Variants in GOLGA3 observed in about 807,000 individuals in gnomAD.
The protein encoded by GOLGA3 is golgin A3.
In GOLGA3, 75 loss-of-function variants were observed where a neutral mutation model predicts 169.4. That is an observed-to-expected ratio of 0.44 (90% CI 0.37 to 0.54). The LOEUF (loss-of-function observed/expected upper bound fraction) is 0.54. Ranked by LOEUF, GOLGA3 falls within the 20% of genes least tolerant of loss-of-function variation. The probability of loss-of-function intolerance (pLI) is 0.00; values close to 1 mark genes in which losing one functional copy is unlikely to be tolerated. For missense variants in GOLGA3, 1,899 were observed against 1,930.0 expected (o/e 0.98, Z 0.30); for synonymous variants, 824 against 822.4 (o/e 1.00, Z -0.03).
rs888345640 is a variant in GOLGA3 at position 132,777,782 on chromosome 12, G to A, written c.3606C>T (p.Ala1202=). 6.8e-6 allele frequency: 11 copies of A among 1,613,516 alleles called. No homozygotes were observed. The highest frequency in any genetic ancestry group is 1.7e-5 in the Admixed American group (1 of 59,994). The part of the protein sequence containing the change: ...KEQVAAAKVE[A]GHNRRHFKAA... The stretch of plus-strand genomic sequence containing the variant: ...CCTTGAAGTGGCGGCGGTTATGCCC[G>A]GCTTCCACCTTGGCAGCAGCCACCT... The change falls in exon 19 of 24, where the codon GCC becomes GCT. Residue 1202 remains alanine (A), a synonymous_variant. Coordinates refer to ENST00000450791, the MANE Select transcript of GOLGA3 (RefSeq NM_001389683.1). The surrounding 1 kb of genome is among the most constrained non-coding windows in gnomAD (Gnocchi z 4.7).
At chr12:132,782,585 C>G (rs370034025) in intron 16 of GOLGA3, 92 bp from the exon 17 acceptor site, 1 of 1,062,906 alleles carries the variant, frequency 9.4e-7, no homozygotes, top group African/African-American at 1.6e-5. Flanking sequence ...CAAGAAACAG[C>G]GAAAACTTAG....
At chr12:132,807,864 C>T in intron 5 of GOLGA3, 27 bp downstream of exon 5, 2 of 1,324,170 alleles carry the variant, frequency 1.5e-6, no homozygotes, top group South Asian at 1.4e-5. Context: ...CTCCACCCAC[C>T]CCGCCCACCT....
intron 6 of GOLGA3, among the ~76,000 whole-genome samples, chr12:132,805,592 C>T (rs1034313030): frequency 5.0e-5 from 7 of 139,278 alleles, no homozygotes; most frequent in Admixed American, 1.4e-4. Flanking sequence ...GACCCCGAGA[C>T]CCCCAGGCGC....
Position 132,776,709 on chromosome 12 carries a change from C to A in GOLGA3, c.3903G>T (p.Gln1301His). The change falls in exon 21 of 24, where the codon CAG (glutamine) becomes CAT (histidine). Residue 1301 changes from glutamine (Q) to histidine (H), a missense_variant. Transcript: ENST00000450791. ...TCAAGTCCAGCTGCTGCTTCAAGGACTGGATTTCTCTTTCTTTCTGATCCA... is the reference window on the plus strand; with the variant it reads ...TCAAGTCCAGCTGCTGCTTCAAGGAATGGATTTCTCTTTCTTTCTGATCCA... The part of the protein sequence containing the change: ...WEVDQKEREI[Q>H]SLKQQLDLTE... The A allele has an allele frequency of 6.2e-7, 1 of 1,614,150 alleles. No individual in the cohort carries two copies. The highest frequency in any genetic ancestry group is 1.1e-5 in the South Asian group (1 of 91,090).
At position 132,777,759 on chromosome 12, in the gene GOLGA3, T is replaced by C. The variant is rs2045328452; in HGVS notation, c.3629A>G (p.Lys1210Arg). The change falls in exon 19 of 24, where the codon AAG (lysine) becomes AGG (arginine). Residue 1210 changes from lysine to arginine, a missense_variant. By Grantham distance (26) the Lys-to-Arg change is conservative (BLOSUM62 2). Transcript: ENST00000450791. This position sits in a 1 kb window ranked among gnomAD's most constrained non-coding sequence, Gnocchi z 4.7. ...VEAGHNRRHF[K>R]AASLELSEVK... ...CTCACTCAGCTCCAAGGAGGCCGCC[T>C]TGAAGTGGCGGCGGTTATGCCCGGC... is the stretch of plus-strand genomic sequence containing the variant. The C allele has an allele frequency of 2.5e-6, 4 of 1,614,002 alleles. No homozygotes were observed. The highest frequency in any genetic ancestry group is 3.4e-6 in the Non-Finnish European group (4 of 1,179,948).
intron 3 of GOLGA3, 107 bp from the exon 4 acceptor site, chr12:132,813,526 C>T: frequency 1.7e-6 from 1 of 605,428 alleles, no homozygotes; most frequent in South Asian, 2.0e-5. Flanking sequence ...ATACTTTACA[C>T]CTAAACAATG....
intron 22 of GOLGA3, 76 bp downstream of exon 22, chr12:132,775,065 C>CATT: frequency 7.6e-7 from 1 of 1,318,606 alleles, no homozygotes; most frequent in African/African-American, 1.5e-5. Flanking sequence ...GAATGACTAA[C>CATT]ACGTCTGCCA....
At chr12:132,781,063 A>C (rs2045577115) in intron 17 of GOLGA3, 149 bp from the exon 18 acceptor site, 3 of 646,914 alleles carry the variant, frequency 4.6e-6, no homozygotes, top group Non-Finnish European at 8.3e-6. Context: ...CTGTGACAAA[A>C]ACAGAATCCT....
Position 132,822,036 on chromosome 12 carries a change from C to CG in GOLGA3, c.92dup (p.Leu34ThrfsTer5). ...GCTGGTCAGGTGGCACCAGTGGGCCCGGGGGCTTCAGTGGGGCCTCGGGGA... is the reference window on the plus strand; with the variant it reads ...GCTGGTCAGGTGGCACCAGTGGGCCCGGGGGGCTTCAGTGGGGCCTCGGGGA... On this transcript the variant is annotated frameshift_variant, in exon 2 of 24. Coordinates refer to ENST00000450791, the MANE Select transcript of GOLGA3 (RefSeq NM_001389683.1). LOFTEE classifies it high-confidence loss of function. The CG allele has an allele frequency of 3.1e-6, 5 of 1,609,176 alleles. No individual in the cohort carries two copies. The highest frequency in any genetic ancestry group is 4.2e-6 in the Non-Finnish European group (5 of 1,178,184).
intron 3 of GOLGA3, 133 bp downstream of exon 3, chr12:132,816,407 C>T (rs1165227253): frequency 6.0e-6 from 5 of 829,980 alleles, no homozygotes; most frequent in African/African-American, 3.4e-5. Context: ...CACAGCCCCA[C>T]GTGGGACTCA....
chr12:132,791,126 C>G (rs1298107199), intron 12 of GOLGA3, 90 bp downstream of exon 12: 2 of 402,528 alleles, frequency 5.0e-6, no homozygotes, highest in African/African-American at 4.6e-5. Context: ...TTCTCAACTT[C>G]AATGACATTG....
rs1234103977 is a variant in GOLGA3, at chr12:132,771,319, C to G, written c.*1786G>C. 3 of 152,656 alleles carry G rather than the reference C, an allele frequency of 2.0e-5. No homozygotes were observed. Among genetic ancestry groups the G allele is most frequent in the Non-Finnish European group, 4.4e-5 (3 of 68,068 alleles). The allele number at this position is 152,656 out of a possible 1,614,324, so 9.5% of individuals were successfully genotyped here. On this transcript the variant is annotated 3_prime_UTR_variant, in exon 24 of 24. Coordinates refer to ENST00000450791, the MANE Select transcript of GOLGA3 (RefSeq NM_001389683.1). The stretch of plus-strand genomic sequence containing the variant: ...AGACACCGACATGAGCACATCTGGC[C>G]TGGCCAGTGACTCAGAACCTCATTT...
chr12:132,798,052 G>A (rs1948943122), intron 9 of GOLGA3, among the ~76,000 whole-genome samples: 1 of 152,088 alleles, frequency 6.6e-6, no homozygotes, highest in Non-Finnish European at 1.5e-5. Context: ...TGCAGGAAAA[G>A]AGCCGCAAGT....
At chr12:132,782,533 G>A in intron 16 of GOLGA3, 40 bp from the exon 17 acceptor site, 1 of 1,475,094 alleles carries the variant, frequency 6.8e-7, no homozygotes, top group Non-Finnish European at 9.5e-7. Context: ...ACCTGCACTG[G>A]TGAGTGGAGT....
intron 8 of GOLGA3, among the ~76,000 whole-genome samples, chr12:132,801,460 G>A (rs919398304): frequency 3.9e-5 from 6 of 152,164 alleles, no homozygotes; most frequent in African/African-American, 1.4e-4. Flanking sequence ...CAGGGTGGGA[G>A]GGTCCCGAGA....
intron 21 of GOLGA3, among the ~76,000 whole-genome samples, chr12:132,775,545 T>A (rs1217482987): frequency 1.3e-5 from 2 of 152,204 alleles, no homozygotes; most frequent in East Asian, 3.8e-4. Context: ...GTTCCAATGA[T>A]CATTTCCTTT....
At position 132,784,301 on chromosome 12, in the gene GOLGA3, T is replaced by A. The variant is rs2045775839; in HGVS notation, c.3130A>T (p.Ile1044Phe). The A allele has an allele frequency of 6.2e-7, 1 of 1,606,902 alleles. No homozygotes were observed. Among genetic ancestry groups the A allele is most frequent in the African/African-American group, 1.3e-5 (1 of 74,890 alleles). The change falls in exon 16 of 24, where the codon ATC (isoleucine) becomes TTC (phenylalanine). Residue 1044 changes from isoleucine (I) to phenylalanine (F), a missense_variant. Physicochemically the swap from Ile to Phe is conservative, Grantham distance 21. Transcript: ENST00000450791. ...TGCAGCTCCGCCTCCAGGGCCTGGA[T>A]CCTTTCCTAAGGGCCAAGATGGAAC... ...SDSSLALHER[I>F]QALEAELQAV...
At chr12:132,786,658 G>GCC in intron 14 of GOLGA3, 35 bp downstream of exon 14, 1 of 1,342,420 alleles carries the variant, frequency 7.4e-7, no homozygotes, top group Non-Finnish European at 1.0e-6. Flanking sequence ...CTCCCACCTG[G>GCC]CCCCCGCACC....
intron 11 of GOLGA3, among the ~76,000 whole-genome samples, chr12:132,792,267 G>T (rs946585568): frequency 2.0e-5 from 3 of 152,188 alleles, no homozygotes; most frequent in Non-Finnish European, 4.4e-5. Flanking sequence ...AGGGGATGAG[G>T]CCAGGGGACA....
Sources: allele counts gnomAD v4.1 joint callset (sites outside exome capture counted in the v4.1 genomes callset), GRCh38; gene constraint gnomAD v4.1.1; non-coding constraint Gnocchi (gnomAD v3.1); transcripts MANE v1.5; gene names NCBI Gene and HGNC (gene_info 2026-07-23, HGNC 2026-07-21).